TMCC2: variants seen among roughly 807,000 people sequenced by gnomAD.
The protein encoded by TMCC2 is transmembrane and coiled-coil domain family 2.
A neutral mutation model predicts 49.4 loss-of-function variants in TMCC2; 16 were observed. That is an observed-to-expected ratio of 0.32 (90% CI 0.22 to 0.49). TMCC2 has a LOEUF of 0.49. Ranked by LOEUF, TMCC2 falls within the 20% of genes least tolerant of loss-of-function variation. The pLI is 0.99. For synonymous variants in TMCC2, 397 were observed against 434.1 expected (o/e 0.91, Z 1.06); for missense variants, 762 against 989.8 (o/e 0.77, Z 3.09).
intron 2 of TMCC2, among the ~76,000 whole-genome samples, chr1:205,260,625 A>G (rs959417482): frequency 2.0e-5 from 3 of 151,988 alleles, no homozygotes; most frequent in South Asian, 2.1e-4. Context: ...GTTCCTAAAC[A>G]TTTTCAGCAA....
At chr1:205,246,106 C>T (rs1029188764) in intron 2 of TMCC2, among the ~76,000 whole-genome samples, 3 of 151,534 alleles carry the variant, frequency 2.0e-5, no homozygotes, top group Admixed American at 6.6e-5. Flanking sequence ...GGGGGTGGGG[C>T]GGAGTACCTG....
chr1:205,231,657 A>G (rs963626454), intron 1 of TMCC2, among the ~76,000 whole-genome samples: 1 of 152,162 alleles, frequency 6.6e-6, no homozygotes, highest in African/African-American at 2.4e-5. Flanking sequence ...CAGTTTTCCA[A>G]TGATAGAAAA....
At chr1:205,265,954 G>C (rs1039825607) in intron 2 of TMCC2, among the ~76,000 whole-genome samples, 2 of 151,646 alleles carry the variant, frequency 1.3e-5, no homozygotes, top group African/African-American at 4.8e-5. Context: ...AGAGAGACAG[G>C]TTCTGGGCTG....
intron 2 of TMCC2, chr1:205,256,347 C>T (rs777933022): frequency 5.8e-6 from 9 of 1,550,700 alleles, no homozygotes; most frequent in Admixed American, 2.0e-5. Context: ...CCTCTGTCCC[C>T]CTCTGCTGGC....
Position 205,272,260 on chromosome 1 carries a change from C to T in TMCC2, c.*136C>T, listed in dbSNP as rs1364584805. 11 of 1,434,222 alleles carry T rather than the reference C, an allele frequency of 7.7e-6. No individual in the cohort carries two copies. The highest frequency in any genetic ancestry group is 1.0e-5 in the Non-Finnish European group (11 of 1,089,864). 88.8% of individuals were successfully genotyped at this position (1,434,222 alleles called of 1,614,324 possible). A position where few individuals can be genotyped will look rare whatever the true frequency, so the allele number is the denominator to read the frequency against. Reference sequence around the variant, plus strand: ...CCATTCCAGCAGCTCCTGCCCCCTTCTCTGTACTTGCTTCTGTCTGACACC... The same window carrying T: ...CCATTCCAGCAGCTCCTGCCCCCTTTTCTGTACTTGCTTCTGTCTGACACC... On this transcript the variant is annotated 3_prime_UTR_variant, in exon 5 of 5. Transcript: ENST00000358024.
intron 1 of TMCC2, chr1:205,229,581 A>AGGGGGGGGGGT (rs1659711192): frequency 1.3e-6 from 1 of 771,886 alleles, no homozygotes; most frequent in African/African-American, 3.3e-5. Flanking sequence ...CGGGGGGGGA[A>AGGGGGGGGGGT]GGTGGATTTC....
chr1:205,230,283 T>A, intron 1 of TMCC2: 2 of 637,002 alleles, frequency 3.1e-6, no homozygotes, highest in Non-Finnish European at 3.9e-6. Context: ...TTGCAGTAAT[T>A]ATTCAAATCT....
At position 205,272,284 on chromosome 1, in the gene TMCC2, CCTT is replaced by C; in HGVS notation, c.*163_*165del. 1 of 1,376,216 alleles carries C rather than the reference CCTT, an allele frequency of 7.3e-7. No individual in the cohort carries two copies. Among genetic ancestry groups the C allele is most frequent in the African/African-American group, 1.5e-5 (1 of 68,722 alleles). The allele number at this position is 1,376,216 out of a possible 1,614,324, so 85.3% of individuals were successfully genotyped here. A position where few individuals can be genotyped will look rare whatever the true frequency, so the allele number is the denominator to read the frequency against. On this transcript the variant is annotated 3_prime_UTR_variant, in exon 5 of 5. Coordinates refer to ENST00000358024, the MANE Select transcript of TMCC2 (RefSeq NM_014858.4). ...TCTCTGTACTTGCTTCTGTCTGACA[CCTT>C]CTCCCTGTTGGCCTGAAGGGAGCTT...
At chr1:205,246,674 C>G in intron 2 of TMCC2, 2 of 1,550,274 alleles carry the variant, frequency 1.3e-6, no homozygotes, top group Non-Finnish European at 1.7e-6. Flanking sequence ...TAGAGGCAGC[C>G]AGGCCCACCT....
Position 205,241,807 on chromosome 1 carries a change from C to T in TMCC2, c.510C>T (p.Ser170=). 1 of 1,606,122 alleles carries T rather than the reference C, an allele frequency of 6.2e-7. No homozygotes were observed. The change falls in exon 2 of 5, where the codon AGC becomes AGT. Residue 170 remains serine (S), a synonymous_variant. Coordinates refer to ENST00000358024, the MANE Select transcript of TMCC2 (RefSeq NM_014858.4). This position sits in a 1 kb window ranked among gnomAD's most constrained non-coding sequence, Gnocchi z 7.3. ...AGCGGGGCGCCAGCCTGCACAGCAG[C>T]AGTGGGGGCGGCAGCAGCGGGAGCA... is the stretch of plus-strand genomic sequence containing the variant. ...SIKRGASLHS[S]SGGGSSGSSS...
In TMCC2 at chr1:205,228,424, A is replaced by G. The variant is rs1250082943; in HGVS notation, c.-141A>G. 1.5e-6 allele frequency: 1 copy of G among 663,526 alleles called. No individual in the cohort carries two copies. The highest frequency in any genetic ancestry group is 2.4e-6 in the Non-Finnish European group (1 of 412,856). 41.1% of individuals were successfully genotyped at this position (663,526 alleles called of 1,614,324 possible). A position where few individuals can be genotyped will look rare whatever the true frequency, so the allele number is the denominator to read the frequency against. On this transcript the variant is annotated 5_prime_UTR_variant, in exon 1 of 5. Transcript: ENST00000358024. ...CCCGCCTTTAAGAATTTTTTTTTTA[A>G]TTCAAGAAATTGTGGTCTGCCATCT...
At chr1:205,230,607 C>G (rs75961529) in intron 1 of TMCC2, among the ~76,000 whole-genome samples, 1,717 of 152,302 alleles carry the variant, frequency 0.011, 27 homozygotes, top group African/African-American at 0.039. Context: ...AACCCTGAAT[C>G]TTTGACCAAT....
intron 1 of TMCC2, chr1:205,229,173 G>GTA (rs1288273685): frequency 2.3e-6 from 2 of 862,310 alleles, no homozygotes; most frequent in African/African-American, 4.5e-5. Flanking sequence ...GTGTGTGTGT[G>GTA]TGTGTGTGTG....
At chr1:205,238,325 C>G (rs919617800) in intron 1 of TMCC2, among the ~76,000 whole-genome samples, 1 of 152,136 alleles carries the variant, frequency 6.6e-6, no homozygotes, top group African/African-American at 2.4e-5. Flanking sequence ...GCGGCCCAGC[C>G]CTTGCGTCAC....
intron 2 of TMCC2, among the ~76,000 whole-genome samples, chr1:205,242,274 G>A (rs1025782465): frequency 6.6e-6 from 1 of 152,302 alleles, no homozygotes; most frequent in African/African-American, 2.4e-5. Context: ...TTTCAAAATT[G>A]TGTTTTGCTC....
At chr1:205,259,576 G>A (rs1307010331) in intron 2 of TMCC2, among the ~76,000 whole-genome samples, 1 of 152,232 alleles carries the variant, frequency 6.6e-6, no homozygotes, top group African/African-American at 2.4e-5. Context: ...TTCCAACAGT[G>A]TCTACTGTGT....
At chr1:205,257,829 A>C (rs1189117227) in intron 2 of TMCC2, among the ~76,000 whole-genome samples, 1 of 152,184 alleles carries the variant, frequency 6.6e-6, no homozygotes, top group East Asian at 1.9e-4. Context: ...TTTTTAGGGA[A>C]TTCAGAGGAT....
chr1:205,239,541 A>G (rs1403148724), intron 1 of TMCC2, among the ~76,000 whole-genome samples: 1 of 152,230 alleles, frequency 6.6e-6, no homozygotes, highest in Non-Finnish European at 1.5e-5. Context: ...GTTCTTGAGA[A>G]GGAATCATGG....
chr1:205,257,120 A>G (rs556583675), intron 2 of TMCC2: 1 of 1,221,932 alleles, frequency 8.2e-7, no homozygotes, highest in East Asian at 3.2e-5. Flanking sequence ...GCCAGATGGG[A>G]AGGAGCAGCC....
Sources: gnomAD v4.1 joint callset for allele counts (sites outside exome capture counted in the v4.1 genomes callset) on GRCh38, gnomAD v4.1.1 for gene constraint, Gnocchi (gnomAD v3.1) non-coding constraint, MANE v1.5 for transcripts, NCBI Gene and HGNC (gene_info 2026-07-23, HGNC 2026-07-21) for gene names.